Variants in ITPR1 observed in about 807,000 individuals in gnomAD.
ITPR1 encodes the protein inositol 1,4,5-trisphosphate-gated calcium channel ITPR1.
A neutral mutation model predicts 318.4 loss-of-function variants in ITPR1; 96 were observed. The observed-to-expected ratio is 0.30, with a 90% CI of 0.26 to 0.36. The LOEUF (loss-of-function observed/expected upper bound fraction) is 0.36, where lower values mean the gene tolerates loss of function less well. Among genes scored for constraint, ITPR1 ranks in the 10% least tolerant of loss-of-function variants. The pLI is 1.00. For synonymous variants in ITPR1, 1,312 were observed against 1,289.9 expected, an observed-to-expected ratio of 1.02 and a Z score of -0.37; for missense variants, 2,440 against 3,460.2, an observed-to-expected ratio of 0.71 and a Z score of 7.40.
intron 4 of ITPR1, among the ~76,000 whole-genome samples, chr3:4,596,441 A>G (rs1326068798): frequency 1.3e-5 from 2 of 152,216 alleles, no homozygotes; most frequent in Non-Finnish European, 2.9e-5. Context: ...CACTATATAC[A>G]ATGGTGTTTG....
At chr3:4,562,383 A>G (rs967604185) in intron 4 of ITPR1, among the ~76,000 whole-genome samples, 4 of 152,324 alleles carry the variant, frequency 2.6e-5, no homozygotes, top group African/African-American at 9.6e-5. Context: ...GGCTTATGAT[A>G]ACCATAGATT....
intron 4 of ITPR1, among the ~76,000 whole-genome samples, chr3:4,604,614 C>A (rs919897726): frequency 6.6e-6 from 1 of 152,080 alleles, no homozygotes; most frequent in African/African-American, 2.4e-5. Context: ...ATTCATGACT[C>A]TTTCATGGAC....
intron 61 of ITPR1, among the ~76,000 whole-genome samples, chr3:4,839,303 G>C (rs1487484050): frequency 1.3e-5 from 2 of 151,942 alleles, no homozygotes; most frequent in Admixed American, 6.6e-5. Flanking sequence ...CTCCAGCCTG[G>C]GCAACAAGAG....
intron 2 of ITPR1, among the ~76,000 whole-genome samples, chr3:4,494,956 GT>G (rs2080436010): frequency 6.6e-6 from 1 of 152,208 alleles, no homozygotes; most frequent in Non-Finnish European, 1.5e-5. Flanking sequence ...AGAAATGAAA[GT>G]GGTTGCTGCA....
chr3:4,567,964 A>C (rs11923960), intron 4 of ITPR1, among the ~76,000 whole-genome samples: 87,780 of 151,066 alleles, frequency 0.58, 25,990 homozygotes, highest in Admixed American at 0.66. Context: ...ACTCCCAGTA[A>C]GTCACGTAAT....
chr3:4,692,885 C>T (rs1021349083), intron 32 of ITPR1, among the ~76,000 whole-genome samples: 2 of 152,176 alleles, frequency 1.3e-5, no homozygotes, highest in African/African-American at 4.8e-5. Flanking sequence ...CTTTGGGAGG[C>T]CGAGTTGGGT....
chr3:4,524,841 A>G (rs11706910), intron 4 of ITPR1, among the ~76,000 whole-genome samples: 15,881 of 152,194 alleles, frequency 0.1, 857 homozygotes, highest in Middle Eastern at 0.15. Flanking sequence ...GTGACCCTGA[A>G]CAGATTACTT....
At position 4,768,492 on chromosome 3, in the gene ITPR1, C is replaced by G. The variant is rs180981509; in HGVS notation, c.5726-19C>G. 1 of 1,593,250 alleles carries G rather than the reference C, an allele frequency of 6.3e-7. No individual in the cohort carries two copies. The highest frequency in any genetic ancestry group is 8.6e-7 in the Non-Finnish European group (1 of 1,167,264). The stretch of plus-strand genomic sequence containing the variant: ...CATGAGGACTCTGCAGCCTTTCATG[C>G]CTTATGCTTGCTTTCTAGCTAAAGA... On this transcript the variant is annotated intron_variant, in intron 45 of 61. Coordinates refer to ENST00000649015, the MANE Select transcript of ITPR1 (RefSeq NM_001378452.1).
rs138658679 is a variant in ITPR1 at position 4,783,077 on chromosome 3, T to C, written c.6510+336T>C. On this transcript the variant is annotated intron_variant, in intron 50 of 61. Coordinates refer to ENST00000649015, the MANE Select transcript of ITPR1 (RefSeq NM_001378452.1). ...GCTTTTATAAATATTGATGAGCCTCTCTTAACAATCCAAAGAAATAAACTT... is the reference window on the plus strand; with the variant it reads ...GCTTTTATAAATATTGATGAGCCTCCCTTAACAATCCAAAGAAATAAACTT... 2.7e-3 allele frequency among the ~76,000 whole-genome samples: 406 copies of C among 152,386 alleles called. 2 individuals are homozygous for C. The highest frequency in any genetic ancestry group is 9.1e-3 in the African/African-American group (377 of 41,596).
In ITPR1 at chr3:4,815,091, G is replaced by T; in HGVS notation, c.7740G>T (p.Leu2580Phe). 6.2e-7 allele frequency: 1 copy of T among 1,613,804 alleles called. No homozygotes were observed. Residue 2580 changes from leucine to phenylalanine, a missense_variant, in exon 59 of 62, where the codon TTG becomes TTT. Physicochemically the swap from Leu to Phe is conservative, Grantham distance 22. Transcript: ENST00000649015. The part of the protein sequence containing the change: ...LFAARVIYDL[L>F]FFFMVIIIVL... ...CTGCTAGAGTTATTTATGACCTCTTGTTCTTCTTCATGGTCATCATCATTG... is the reference window on the plus strand; with the variant it reads ...CTGCTAGAGTTATTTATGACCTCTTTTTCTTCTTCATGGTCATCATCATTG...
At chr3:4,763,819 T>C (rs769387842) in intron 44 of ITPR1, among the ~76,000 whole-genome samples, 1 of 152,228 alleles carries the variant, frequency 6.6e-6, no homozygotes, top group South Asian at 2.1e-4. Context: ...GGTCACCCGA[T>C]TGGCCGTCAG....
chr3:4,498,543 G>T (rs1410967940), intron 2 of ITPR1, among the ~76,000 whole-genome samples: 1 of 152,158 alleles, frequency 6.6e-6, no homozygotes, highest in South Asian at 2.1e-4. Context: ...AACTCTCACG[G>T]AATTCTCAGT....
At chr3:4,553,035 C>T (rs1420536685) in intron 4 of ITPR1, among the ~76,000 whole-genome samples, 1 of 152,150 alleles carries the variant, frequency 6.6e-6, no homozygotes, top group African/African-American at 2.4e-5. Context: ...AAACATCTGT[C>T]AGAAAACAGA....
chr3:4,505,369 T>A (rs1309763880), intron 2 of ITPR1, among the ~76,000 whole-genome samples: 1 of 152,144 alleles, frequency 6.6e-6, no homozygotes, highest in African/African-American at 2.4e-5. Flanking sequence ...ATTTTTGTAT[T>A]CTTAGTAAAG....
intron 58 of ITPR1, chr3:4,814,785 A>G (rs139528668): frequency 6.6e-6 from 4 of 609,104 alleles, no homozygotes; most frequent in African/African-American, 1.8e-5. Flanking sequence ...CTCTCTGTTC[A>G]GTAGACTTAG....
At chr3:4,843,956 C>T (rs189850072) in intron 61 of ITPR1, among the ~76,000 whole-genome samples, 10 of 152,272 alleles carry the variant, frequency 6.6e-5, no homozygotes, top group Non-Finnish European at 1.5e-4. Flanking sequence ...TGAAAATACG[C>T]ATACTAAAAG....
Position 4,691,245 on chromosome 3 carries a change from G to A in ITPR1, c.3930G>A (p.Glu1310=), listed in dbSNP as rs777240255. Residue 1310 remains glutamate, a synonymous_variant, in exon 32 of 62, where the codon GAG becomes GAA. Transcript: ENST00000649015. ...TTCAGCACTTCGTTCACTGCATAGAGACTCACGGTCGGAATGTCCAGTATA... is the reference window on the plus strand; with the variant it reads ...TTCAGCACTTCGTTCACTGCATAGAAACTCACGGTCGGAATGTCCAGTATA... ...RVVQHFVHCI[E]THGRNVQYIK... is the part of the protein sequence containing the mutation. 1 of 1,613,006 alleles carries A rather than the reference G, an allele frequency of 6.2e-7. No individual in the cohort carries two copies. The highest frequency in any genetic ancestry group is 2.2e-5 in the East Asian group (1 of 44,876).
At chr3:4,800,312 A>T in intron 53 of ITPR1, 113 bp from the exon 54 acceptor site, 1 of 1,063,980 alleles carries the variant, frequency 9.4e-7, no homozygotes, top group Non-Finnish European at 1.4e-6. Flanking sequence ...GAGAGTTGGG[A>T]CTGGTAAGCC....
chr3:4,842,920 G>A (rs941032999), intron 61 of ITPR1, among the ~76,000 whole-genome samples: 3 of 152,134 alleles, frequency 2.0e-5, no homozygotes, highest in African/African-American at 7.2e-5. Flanking sequence ...GTGAATGTAT[G>A]TAGGTGGGGT....
Sources: allele counts gnomAD v4.1 joint callset (sites outside exome capture counted in the v4.1 genomes callset), GRCh38; gene constraint gnomAD v4.1.1; transcripts MANE v1.5; gene names NCBI Gene and HGNC (gene_info 2026-07-23, HGNC 2026-07-21).